DEFB114: variants seen among roughly 807,000 people sequenced by gnomAD.
DEFB114 encodes beta-defensin 114.
DEFB114 carries 4 observed loss-of-function variants against 2.4 expected under a neutral mutation model. That is an observed-to-expected ratio of 1.67 (90% CI 0.82 to 3.82). The LOEUF (loss-of-function observed/expected upper bound fraction) is 3.82. DEFB114 is among the 30% of genes most tolerant of loss of function. The probability of loss-of-function intolerance (pLI) is 0.01; values close to 1 mark genes in which losing one functional copy is unlikely to be tolerated. For synonymous variants in DEFB114, 35 were observed against 24.6 expected (o/e 1.42, Z -1.26); for missense variants, 113 against 85.8 (o/e 1.32, Z -1.25).
chr6:49,964,063 A>T lies in DEFB114; in HGVS notation c.43T>A (p.Phe15Ile), dbSNP rs773884354. ...ACATCTATCTTACCTGGTAGAATGA[A>T]GGTCACATAACACAGAAAATGGAGA... ...YYLHFLCYVTFILPATCTLVN... is the reference protein window; with the variant it reads ...YYLHFLCYVTIILPATCTLVN... Residue 15 changes from phenylalanine (F) to isoleucine (I), a missense_variant, in exon 1 of 2, where the codon TTC becomes ATC. Coordinates refer to ENST00000322066, the MANE Select transcript of DEFB114 (RefSeq NM_001037499.2). 4.0e-5 allele frequency: 64 copies of T among 1,586,264 alleles called. No individual in the cohort carries two copies. Among genetic ancestry groups the T allele is most frequent in the South Asian group, 1.8e-4 (16 of 87,164 alleles).
At chr6:49,963,110 T>C (rs1773488819) in intron 1 of DEFB114, among the ~76,000 whole-genome samples, 1 of 150,266 alleles carries the variant, frequency 6.7e-6, no homozygotes, top group African/African-American at 2.4e-5. Flanking sequence ...ACACAAACTT[T>C]TCCAGATAAT....
In DEFB114 at chr6:49,964,138, A is replaced by G. The variant is rs773649526; in HGVS notation, c.-33T>C. On this transcript the variant is annotated 5_prime_UTR_variant, in exon 1 of 2. Transcript: ENST00000322066. Reference sequence around the variant, plus strand: ...AAAGAAGTTGTTGAAAGACTTGATAACAGAATATAGAGACTATAGAACTTT... The same window carrying G: ...AAAGAAGTTGTTGAAAGACTTGATAGCAGAATATAGAGACTATAGAACTTT... 8.7e-6 allele frequency: 13 copies of G among 1,498,322 alleles called. No individual in the cohort carries two copies. In the Admixed American group the frequency reaches 2.2e-4, roughly 25 times the overall value. 92.8% of individuals were successfully genotyped at this position (1,498,322 alleles called of 1,614,324 possible). A position where few individuals can be genotyped will look rare whatever the true frequency, so the allele number is the denominator to read the frequency against.
rs1380905260 is a variant in DEFB114 at position 49,964,066 on chromosome 6, T to C, written c.40A>G (p.Thr14Ala). The C allele has an allele frequency of 4.4e-6, 7 of 1,587,696 alleles. No individual in the cohort carries two copies. The highest frequency in any genetic ancestry group is 6.0e-6 in the Non-Finnish European group (7 of 1,164,152). The change falls in exon 1 of 2, where the codon ACC (threonine) becomes GCC (alanine). Residue 14 changes from threonine (T) to alanine (A), a missense_variant. Thr to Ala is a moderately conservative substitution (Grantham distance 58). Transcript: ENST00000322066. Reference protein sequence around the residue: ...FYYLHFLCYVTFILPATCTLV... With the variant: ...FYYLHFLCYVAFILPATCTLV... ...TCTATCTTACCTGGTAGAATGAAGG[T>C]CACATAACACAGAAAATGGAGATAG...
intron 1 of DEFB114, 143 bp from the exon 2 acceptor site, chr6:49,960,589 T>A (rs895577209): frequency 3.6e-5 from 26 of 726,078 alleles, no homozygotes; most frequent in Admixed American, 1.9e-4. Flanking sequence ...TTATACCCCA[T>A]GTATATATAA....
chr6:49,963,956 A>G (rs1773501938), intron 1 of DEFB114, 95 bp downstream of exon 1: 3 of 878,708 alleles, frequency 3.4e-6, no homozygotes, highest in African/African-American at 1.8e-5. Context: ...AATTGATAAG[A>G]TTGCATTAAA....
chr6:49,960,475 C>G (rs776919176), intron 1 of DEFB114, 29 bp from the exon 2 acceptor site: 1 of 1,567,822 alleles, frequency 6.4e-7, no homozygotes, highest in Admixed American at 2.0e-5. Flanking sequence ...AACAGAAATT[C>G]TAATCTTTTA....
In DEFB114 at chr6:49,960,399, G is replaced by C; in HGVS notation, c.103C>G (p.Arg35Gly). Residue 35 changes from arginine (R) to glycine (G), a missense_variant, in exon 2 of 2, where the codon CGT (arginine) becomes GGT (glycine). Transcript: ENST00000322066. ...CTCTCAAGACAGTCTCTTTTACAAC[G>C]ACCGTAACGTTTGGTGCAACGATCA... ...NADRCTKRYG[R>G]CKRDCLESEK... The C allele has an allele frequency of 1.3e-5, 21 of 1,607,352 alleles. No homozygotes were observed. Among genetic ancestry groups the C allele is most frequent in the Non-Finnish European group, 1.8e-5 (21 of 1,176,104 alleles).
At chr6:49,960,535 A>G in intron 1 of DEFB114, 89 bp from the exon 2 acceptor site, 1 of 1,372,340 alleles carries the variant, frequency 7.3e-7, no homozygotes, top group Non-Finnish European at 9.7e-7. Context: ...TGTACATTGT[A>G]TCAAGTTTAG....
At chr6:49,961,628 C>T (rs1773462524) in intron 1 of DEFB114, among the ~76,000 whole-genome samples, 1 of 150,646 alleles carries the variant, frequency 6.6e-6, no homozygotes, top group African/African-American at 2.4e-5. Flanking sequence ...TATGTATGAA[C>T]TTTAAAAAGA....
rs1457095232 is a variant in DEFB114 at position 49,963,967 on chromosome 6, A to AATTTG, written c.55+79_55+83dup. 6 of 1,040,612 alleles carry AATTTG rather than the reference A, an allele frequency of 5.8e-6. No individual in the cohort carries two copies. In the African/African-American group the frequency reaches 1.0e-4, roughly 17 times the overall value. 64.5% of individuals were successfully genotyped at this position (1,040,612 alleles called of 1,614,324 possible). A position where few individuals can be genotyped will look rare whatever the true frequency, so the allele number is the denominator to read the frequency against. On this transcript the variant is annotated intron_variant, in intron 1 of 1. Coordinates refer to ENST00000322066, the MANE Select transcript of DEFB114 (RefSeq NM_001037499.2). ...ATTTAATTGATAAGATTGCATTAAA[A>AATTTG]ATTTGCATTCTACAATTAATAATTT...
At chr6:49,963,226 C>T (rs978035124) in intron 1 of DEFB114, among the ~76,000 whole-genome samples, 3 of 150,102 alleles carry the variant, frequency 2.0e-5, no homozygotes, top group Non-Finnish European at 4.5e-5. Flanking sequence ...AATACAGATG[C>T]AAAAAGTTTC....
At chr6:49,963,888 A>G (rs537506891) in intron 1 of DEFB114, among the ~76,000 whole-genome samples, 163 bp downstream of exon 1, 5 of 150,292 alleles carry the variant, frequency 3.3e-5, no homozygotes, top group Non-Finnish European at 6.0e-5. Flanking sequence ...ACAGTACACC[A>G]GTATAATGAT....
intron 1 of DEFB114, among the ~76,000 whole-genome samples, chr6:49,963,838 T>A (rs1773500569): frequency 1.3e-5 from 2 of 150,040 alleles, no homozygotes; most frequent in African/African-American, 2.4e-5. Flanking sequence ...GTTGTCTTCA[T>A]TATCTCATTT....
intron 1 of DEFB114, among the ~76,000 whole-genome samples, chr6:49,962,131 G>T (rs1773472497): frequency 6.6e-6 from 1 of 150,440 alleles, no homozygotes; most frequent in Non-Finnish European, 1.5e-5. Context: ...ACAATGGTAA[G>T]GTGTCTACAT....
intron 1 of DEFB114, among the ~76,000 whole-genome samples, chr6:49,962,346 A>G (rs1773476488): frequency 6.6e-6 from 1 of 150,464 alleles, no homozygotes; most frequent in African/African-American, 2.4e-5. Context: ...AATTTTTCTG[A>G]TTACTGAAAA....
At chr6:49,962,547 T>C (rs949426055) in intron 1 of DEFB114, among the ~76,000 whole-genome samples, 2 of 150,434 alleles carry the variant, frequency 1.3e-5, no homozygotes, top group Admixed American at 6.6e-5. Context: ...AGAGCTTGCT[T>C]TTTTTAGTTG....
Position 49,960,306 on chromosome 6 carries a change from C to T in DEFB114, c.196G>A (p.Asp66Asn), listed in dbSNP as rs1773434998. The change falls in exon 2 of 2, where the codon GAT becomes AAT. Residue 66 changes from aspartate (D) to asparagine (N), a missense_variant. Asp to Asn is a conservative substitution (Grantham distance 23, BLOSUM62 1). Coordinates refer to ENST00000322066, the MANE Select transcript of DEFB114 (RefSeq NM_001037499.2). ...TGCCTTTCTTTTCAAAACATATCATCTTCTTCATACAATTTCTCAGTGCAG... is the reference window on the plus strand; with the variant it reads ...TGCCTTTCTTTTCAAAACATATCATTTTCTTCATACAATTTCTCAGTGCAG... ...ICCTEKLYEEDDMF is the reference protein window; with the variant it reads ...ICCTEKLYEENDMF 1 of 1,603,504 alleles carries T rather than the reference C, an allele frequency of 6.2e-7. No individual in the cohort carries two copies. The highest frequency in any genetic ancestry group is 1.7e-5 in the Admixed American group (1 of 58,808).
intron 1 of DEFB114, among the ~76,000 whole-genome samples, chr6:49,962,121 A>G (rs1298985657): frequency 6.6e-6 from 1 of 150,604 alleles, no homozygotes; most frequent in Admixed American, 6.6e-5. Flanking sequence ...AGGGTGAAAT[A>G]CAATGGTAAG....
Position 49,960,360 on chromosome 6 carries a change from C to T in DEFB114, c.142G>A (p.Asp48Asn). The T allele has an allele frequency of 6.2e-7, 1 of 1,608,470 alleles. No homozygotes were observed. The highest frequency in any genetic ancestry group is 8.5e-7 in the Non-Finnish European group (1 of 1,176,648). Residue 48 changes from aspartate to asparagine, a missense_variant, in exon 2 of 2, where the codon GAC becomes AAC. Coordinates refer to ENST00000322066, the MANE Select transcript of DEFB114 (RefSeq NM_001037499.2). Reference sequence around the variant, plus strand: ...ATTTTTCTTGGTAAGGAACATATGTCTATTTGCTTTTCACTCTCAAGACAG... The same window carrying T: ...ATTTTTCTTGGTAAGGAACATATGTTTATTTGCTTTTCACTCTCAAGACAG... ...RDCLESEKQI[D>N]ICSLPRKICC... is the part of the protein sequence containing the mutation.
Sources: gnomAD v4.1 joint callset for allele counts (sites outside exome capture counted in the v4.1 genomes callset) on GRCh38, gnomAD v4.1.1 for gene constraint, MANE v1.5 for transcripts, NCBI Gene and HGNC (gene_info 2026-07-23, HGNC 2026-07-21) for gene names.